Variants in YWHAB observed in about 807,000 individuals in gnomAD.
YWHAB encodes 14-3-3 protein beta/alpha.
A neutral mutation model predicts 28.5 loss-of-function variants in YWHAB; 2 were observed. The observed-to-expected ratio is 0.07, with a 90% CI of 0.03 to 0.22. YWHAB has a LOEUF of 0.22. Ranked by LOEUF, YWHAB falls within the 10% of genes least tolerant of loss-of-function variation. The pLI is 1.00. For synonymous variants in YWHAB, 103 were observed against 104.7 expected (o/e 0.98, Z 0.10); for missense variants, 148 against 297.1 (o/e 0.50, Z 3.69).
At chr20:44,904,166 C>G in intron 3 of YWHAB, 50 bp downstream of exon 3, 2 of 1,603,478 alleles carry the variant, frequency 1.2e-6, no homozygotes, top group Non-Finnish European at 1.7e-6. Flanking sequence ...AGCCAGTCTT[C>G]TTTCACAGGG....
intron 1 of YWHAB, among the ~76,000 whole-genome samples, chr20:44,898,727 C>T (rs571135348): frequency 3.9e-5 from 6 of 152,116 alleles, no homozygotes; most frequent in Admixed American, 1.3e-4. Context: ...AGGATGGTCT[C>T]GATCTCCTGA....
intron 2 of YWHAB, chr20:44,902,341 G>T (rs185843699): frequency 6.5e-6 from 1 of 153,266 alleles, no homozygotes; most frequent in East Asian, 1.9e-4. Flanking sequence ...AGTGTTTTGG[G>T]CATTCTCCTC....
chr20:44,904,115 A>C lies in YWHAB; in HGVS notation c.423A>C (p.Gln141His). ...AAGTGGCATCTGGAGACAACAAACA[A>C]AGTAAGTAATATCTTTAAAAAGAAA... ...LSEVASGDNK[Q>H]TTVSNSQQAY... The change falls in exon 3 of 6, where the codon CAA becomes CAC. Residue 141 changes from glutamine (Q) to histidine (H), a missense_variant and splice_region_variant. Gln to His is a conservative substitution (Grantham distance 24, BLOSUM62 0). Around this residue, in one of 2 missense-constraint regions of YWHAB, gnomAD observed 110 missense variants for 177.9 expected, o/e 0.62. Transcript: ENST00000353703. 1 of 1,612,334 alleles carries C rather than the reference A, an allele frequency of 6.2e-7. No individual in the cohort carries two copies. Among genetic ancestry groups the C allele is most frequent in the East Asian group, 2.2e-5 (1 of 44,798 alleles).
chr20:44,886,475 G>T (rs2066528446), intron 1 of YWHAB: 1 of 152,194 alleles, frequency 6.6e-6, no homozygotes, highest in South Asian at 2.1e-4. Flanking sequence ...AGATTCCCTA[G>T]GAAGGGAATT....
rs566395250 is a variant in YWHAB, at chr20:44,903,199, G to A, written c.301-794G>A. On this transcript the variant is annotated intron_variant, in intron 2 of 5. Transcript: ENST00000353703. ...GAGTGCTTACTACGTGCCAGGCAAC[G>A]TGTTAAGCGCTTTATGTATGTCAAC... 188 of 599,352 alleles carry A rather than the reference G, an allele frequency of 3.1e-4. No homozygotes were observed. The Middle Eastern group carries it at 5.0e-3, about 16-fold the overall frequency. 37.1% of individuals were successfully genotyped at this position (599,352 alleles called of 1,614,324 possible).
At chr20:44,897,481 A>G (rs1297719354) in intron 1 of YWHAB, among the ~76,000 whole-genome samples, 1 of 152,160 alleles carries the variant, frequency 6.6e-6, no homozygotes, top group African/African-American at 2.4e-5. Context: ...TTTCTGGTGT[A>G]CCTGGCACTT....
intron 5 of YWHAB, 88 bp downstream of exon 5, chr20:44,906,184 A>G (rs2145541635): frequency 2.4e-6 from 3 of 1,263,914 alleles, no homozygotes; most frequent in Admixed American, 4.0e-5. Context: ...GATTTGTACC[A>G]TTAAATGTAG....
chr20:44,890,202 A>G (rs142288055), intron 1 of YWHAB, among the ~76,000 whole-genome samples: 53 of 152,364 alleles, frequency 3.5e-4, no homozygotes, highest in African/African-American at 1.3e-3. Context: ...AAGTAATCCA[A>G]AGGCTTGTTG....
chr20:44,888,379 A>G lies in YWHAB; in HGVS notation c.-4+2493A>G, dbSNP rs192199556. Among the ~76,000 whole-genome samples the G allele has an allele frequency of 1.8e-4, 28 of 152,300 alleles. No homozygotes were observed. The East Asian group carries it at 5.2e-3, about 28-fold the overall frequency. On this transcript the variant is annotated intron_variant, in intron 1 of 5. Coordinates refer to ENST00000353703, the MANE Select transcript of YWHAB (RefSeq NM_139323.4). ...ATTAGCTCAGTCTTCATAACAACCA[A>G]TGAAAGGTAAGACTGTTAGCCCCAT...
At chr20:44,888,394 G>C (rs2066540587) in intron 1 of YWHAB, among the ~76,000 whole-genome samples, 1 of 152,164 alleles carries the variant, frequency 6.6e-6, no homozygotes, top group African/African-American at 2.4e-5. Flanking sequence ...AGGTAAGACT[G>C]TTAGCCCCAT....
intron 5 of YWHAB, 69 bp from the exon 6 acceptor site, chr20:44,906,313 A>G (rs2066655635): frequency 6.7e-7 from 1 of 1,485,928 alleles, no homozygotes; most frequent in Non-Finnish European, 9.4e-7. Flanking sequence ...ATAAGATTAT[A>G]CATACTGGGC....
At chr20:44,890,519 T>C (rs1165599340) in intron 1 of YWHAB, among the ~76,000 whole-genome samples, 6 of 142,970 alleles carry the variant, frequency 4.2e-5, no homozygotes, top group Admixed American at 4.2e-4. Flanking sequence ...TTTTTTTTTT[T>C]TTTTTTTGTG....
intron 1 of YWHAB, chr20:44,886,261 C>G (rs1371766709): frequency 6.6e-6 from 1 of 152,282 alleles, no homozygotes; most frequent in Non-Finnish European, 1.5e-5. Flanking sequence ...TCAGCCCTGT[C>G]ACCTCTGCTC....
chr20:44,901,957 GTATTTACAACTAATTT>G, intron 2 of YWHAB, 124 bp downstream of exon 2: 1 of 1,123,754 alleles, frequency 8.9e-7, no homozygotes, highest in Non-Finnish European at 1.2e-6. Flanking sequence ...AAGCTGCCAG[GTATTTACAACTAATTT>G]TTAAGCATAT....
intron 4 of YWHAB, 28 bp downstream of exon 4, chr20:44,905,159 C>G: frequency 6.3e-7 from 1 of 1,582,804 alleles, no homozygotes; most frequent in South Asian, 1.2e-5. Context: ...TGATATCTAA[C>G]CATAGCAAAA....
At position 44,906,414 on chromosome 20, in the gene YWHAB, A is replaced by G; in HGVS notation, c.717A>G (p.Gly239=). ...LWTSENQGDE[G]DAGEGEN Reference sequence around the variant, plus strand: ...CATCGGAAAACCAGGGAGACGAAGGAGACGCTGGGGAGGGAGAGAACTAAT... The same window carrying G: ...CATCGGAAAACCAGGGAGACGAAGGGGACGCTGGGGAGGGAGAGAACTAAT... The change falls in exon 6 of 6, where the codon GGA becomes GGG. Residue 239 remains glycine, a synonymous_variant. Coordinates refer to ENST00000353703, the MANE Select transcript of YWHAB (RefSeq NM_139323.4). The G allele has an allele frequency of 6.2e-7, 1 of 1,603,856 alleles. No homozygotes were observed.
intron 1 of YWHAB, among the ~76,000 whole-genome samples, chr20:44,890,455 T>C (rs988180750): frequency 3.9e-5 from 6 of 152,076 alleles, no homozygotes; most frequent in African/African-American, 1.4e-4. Context: ...GTGCTAGGCC[T>C]TGTACTCCAC....
intron 1 of YWHAB, among the ~76,000 whole-genome samples, chr20:44,900,330 T>C (rs950695459): frequency 3.9e-5 from 6 of 152,190 alleles, no homozygotes; most frequent in Non-Finnish European, 8.8e-5. Context: ...TGGGTAGTGT[T>C]CTTATTGCCC....
intron 1 of YWHAB, among the ~76,000 whole-genome samples, chr20:44,896,287 T>G (rs1357746372): frequency 6.6e-6 from 1 of 152,184 alleles, no homozygotes; most frequent in Admixed American, 6.5e-5. Context: ...ACATTTTAAG[T>G]GAATAGCCAC....
Sources: allele counts gnomAD v4.1 joint callset (sites outside exome capture counted in the v4.1 genomes callset), GRCh38; gene constraint gnomAD v4.1.1; regional missense constraint gnomAD v4.1.1; transcripts MANE v1.5; gene names NCBI Gene and HGNC (gene_info 2026-07-23, HGNC 2026-07-21).